The following TMEM132D variants were observed in gnomAD, a reference collection of about 807,000 sequenced individuals.
TMEM132D encodes transmembrane protein 132D, also known as mature OL transmembrane protein.
TMEM132D carries 21 observed loss-of-function variants against 62.3 expected under a neutral mutation model. The ratio of observed to expected loss-of-function variants is 0.34; its 90% CI spans 0.24 to 0.49. The LOEUF (loss-of-function observed/expected upper bound fraction) is 0.49. Ranked by LOEUF, TMEM132D falls within the 20% of genes least tolerant of loss-of-function variation. The probability of loss-of-function intolerance (pLI) is 0.99; values close to 1 mark genes in which losing one functional copy is unlikely to be tolerated. For missense variants in TMEM132D, 1,346 were observed against 1,402.8 expected (o/e 0.96, Z 0.65); for synonymous variants, 621 against 575.6 (o/e 1.08, Z -1.13).
At chr12:129,196,312 T>C (rs570250956) in intron 5 of TMEM132D, among the ~76,000 whole-genome samples, 2 of 152,196 alleles carry the variant, frequency 1.3e-5, no homozygotes, top group Non-Finnish European at 1.5e-5. Context: ...AGAAAGGGCA[T>C]GTGTCCCTCA....
At chr12:129,898,176 C>T (rs1185402325) in intron 1 of TMEM132D, among the ~76,000 whole-genome samples, 4 of 152,174 alleles carry the variant, frequency 2.6e-5, no homozygotes, top group African/African-American at 4.8e-5. Context: ...TCCTGCGGCG[C>T]TCTGAATTAC....
intron 5 of TMEM132D, among the ~76,000 whole-genome samples, chr12:129,140,911 C>T (rs1045691960): frequency 7.2e-5 from 11 of 151,908 alleles, no homozygotes; most frequent in African/African-American, 2.4e-4. Flanking sequence ...CTTCTGATCG[C>T]GAGGAAGCAT....
intron 5 of TMEM132D, among the ~76,000 whole-genome samples, chr12:129,092,303 CTT>C (rs3045890): frequency 1.4e-4 from 19 of 133,874 alleles, no homozygotes; most frequent in Admixed American, 3.8e-4. Flanking sequence ...TCTCTCTTTC[CTT>C]TTTTTTTTTT....
At chr12:129,638,745 C>T (rs2137173112) in intron 2 of TMEM132D, among the ~76,000 whole-genome samples, 1 of 152,044 alleles carries the variant, frequency 6.6e-6, no homozygotes, top group East Asian at 1.9e-4. Context: ...CAGGGGAGTA[C>T]ATCAACCACA....
intron 4 of TMEM132D, among the ~76,000 whole-genome samples, chr12:129,266,368 C>T (rs888045848): frequency 2.6e-5 from 4 of 151,200 alleles, no homozygotes; most frequent in Non-Finnish European, 4.4e-5. Flanking sequence ...TTTCCTTTCT[C>T]CTCTTCCCTC....
In TMEM132D at chr12:129,827,716, T is replaced by C. The variant is rs985976340; in HGVS notation, c.79+75545A>G. Among the ~76,000 whole-genome samples, 4 of 152,190 alleles carry C rather than the reference T, an allele frequency of 2.6e-5. No individual in the cohort carries two copies. The highest frequency in any genetic ancestry group is 5.9e-5 in the Non-Finnish European group (4 of 68,036). On this transcript the variant is annotated intron_variant, in intron 1 of 8. Coordinates refer to ENST00000422113, the MANE Select transcript of TMEM132D (RefSeq NM_133448.3). The surrounding 1 kb of genome is among the most constrained non-coding windows in gnomAD (Gnocchi z 9.7). ...AAAAAGGTGTCTGAGGAAGTTCTTG[T>C]TTGTCACTGGAAGTTAATCTTTAGC...
intron 2 of TMEM132D, among the ~76,000 whole-genome samples, chr12:129,537,271 T>C (rs932908675): frequency 1.3e-5 from 2 of 151,978 alleles, no homozygotes; most frequent in Non-Finnish European, 2.9e-5. Context: ...AAAACATACA[T>C]GAAAATGCAC....
At chr12:129,084,802 T>G (rs1593254389) in intron 5 of TMEM132D, 100 bp from the exon 6 acceptor site, 1 of 1,156,838 alleles carries the variant, frequency 8.6e-7, no homozygotes, top group Non-Finnish European at 1.2e-6. Context: ...CTGGTGGAGG[T>G]GCTTCCCTTT....
intron 2 of TMEM132D, among the ~76,000 whole-genome samples, chr12:129,626,240 C>G (rs1165106709): frequency 6.6e-6 from 1 of 152,156 alleles, no homozygotes; most frequent in East Asian, 1.9e-4. Context: ...CACTATTCTC[C>G]AAACTTATTT....
chr12:129,158,841 T>C (rs952555062), intron 5 of TMEM132D, among the ~76,000 whole-genome samples: 1 of 152,174 alleles, frequency 6.6e-6, no homozygotes, highest in Non-Finnish European at 1.5e-5. Context: ...CAGTTCTGCA[T>C]GGCTGGGGAG....
intron 4 of TMEM132D, among the ~76,000 whole-genome samples, chr12:129,329,101 A>T (rs1382970173): frequency 6.6e-6 from 1 of 151,816 alleles, no homozygotes; most frequent in Admixed American, 6.6e-5. Flanking sequence ...TGCAGGTACC[A>T]TGGCTGATGG....
intron 4 of TMEM132D, among the ~76,000 whole-genome samples, chr12:129,290,298 G>C (rs1478466659): frequency 1.3e-5 from 2 of 151,990 alleles, no homozygotes; most frequent in Admixed American, 1.3e-4. Flanking sequence ...TCACTGCATG[G>C]AAGGGCATCC....
chr12:129,357,024 A>G (rs940530078), intron 3 of TMEM132D, among the ~76,000 whole-genome samples: 13 of 151,308 alleles, frequency 8.6e-5, no homozygotes, highest in African/African-American at 2.7e-4. Flanking sequence ...AGGTGGGTGG[A>G]TCACGAGGTC....
At chr12:129,785,832 A>C (rs1871234723) in intron 1 of TMEM132D, among the ~76,000 whole-genome samples, 1 of 152,020 alleles carries the variant, frequency 6.6e-6, no homozygotes, top group African/African-American at 2.4e-5. Flanking sequence ...GGACCACCTG[A>C]CTCTTTCTTG....
At chr12:129,812,167 C>T (rs1426818607) in intron 1 of TMEM132D, among the ~76,000 whole-genome samples, 2 of 151,738 alleles carry the variant, frequency 1.3e-5, no homozygotes, top group Non-Finnish European at 2.9e-5. Context: ...AACCCAAATG[C>T]GCACATTCCC....
chr12:129,760,323 CTTTTTTTTTTTTTTTT>C (rs71082753), intron 1 of TMEM132D, among the ~76,000 whole-genome samples: 1 of 115,494 alleles, frequency 8.7e-6, no homozygotes, highest in Non-Finnish European at 1.7e-5. Flanking sequence ...AAGCCACTTT[CTTTTTTTTTTTTTTTT>C]TTTTTTTTTT....
chr12:129,555,249 A>C (rs1483713160), intron 2 of TMEM132D, among the ~76,000 whole-genome samples: 1 of 152,210 alleles, frequency 6.6e-6, no homozygotes, highest in Non-Finnish European at 1.5e-5. Flanking sequence ...ACCGGTGTTG[A>C]ATGCATGGAA....
At chr12:129,375,311 C>G (rs1870753055) in intron 3 of TMEM132D, among the ~76,000 whole-genome samples, 1 of 152,164 alleles carries the variant, frequency 6.6e-6, no homozygotes, top group African/African-American at 2.4e-5. Context: ...TTTTATGGTT[C>G]AGGTTAAACA....
At chr12:129,118,813 G>A (rs1422026273) in intron 5 of TMEM132D, among the ~76,000 whole-genome samples, 2 of 152,186 alleles carry the variant, frequency 1.3e-5, no homozygotes, top group African/African-American at 4.8e-5. Context: ...GCAGGGTGCT[G>A]TAGCTCATAT....
Sources: allele counts gnomAD v4.1 joint callset (sites outside exome capture counted in the v4.1 genomes callset), GRCh38; gene constraint gnomAD v4.1.1; non-coding constraint Gnocchi (gnomAD v3.1); transcripts MANE v1.5; gene names NCBI Gene and HGNC (gene_info 2026-07-23, HGNC 2026-07-21).